PAOX: variants seen among roughly 807,000 people sequenced by gnomAD.
PAOX encodes polyamine oxidase.
PAOX carries 38 observed loss-of-function variants against 39.0 expected under a neutral mutation model. The observed-to-expected ratio is 0.97, with a 90% CI of 0.75 to 1.28. PAOX has a LOEUF of 1.28. PAOX is among the 50% of genes most tolerant of loss of function. PAOX has a pLI of 0.00. For synonymous variants in PAOX, 311 were observed against 314.4 expected, an observed-to-expected ratio of 0.99 and a Z score of 0.11; for missense variants, 667 against 685.7, an observed-to-expected ratio of 0.97 and a Z score of 0.30.
intron 1 of PAOX, 77 bp downstream of exon 1, chr10:133,379,574 C>T (rs1279265152): frequency 2.6e-6 from 3 of 1,143,774 alleles, no homozygotes; most frequent in South Asian, 4.5e-5. Context: ...CTGCCCTGCG[C>T]GCAGCCGACC....
In PAOX at chr10:133,380,063, G is replaced by T. The variant is rs773640860; in HGVS notation, c.246G>T (p.Gln82His). ...HGPSRGNPVF[Q>H]LAAEYGLLGE... ...CCTCCCGGGGTAACCCCGTCTTCCAGCTGGCTGCTGAGTACGGGCTGCTGG... is the reference window on the plus strand; with the variant it reads ...CCTCCCGGGGTAACCCCGTCTTCCATCTGGCTGCTGAGTACGGGCTGCTGG... The change falls in exon 2 of 7, where the codon CAG (glutamine) becomes CAT (histidine). Residue 82 changes from glutamine to histidine, a missense_variant. Gln to His is a conservative substitution (Grantham distance 24). Transcript: ENST00000278060. The T allele has an allele frequency of 6.5e-7, 1 of 1,527,554 alleles. No homozygotes were observed. Among genetic ancestry groups the T allele is most frequent in the South Asian group, 1.3e-5 (1 of 76,944 alleles). 94.6% of individuals were successfully genotyped at this position (1,527,554 alleles called of 1,614,324 possible).
At chr10:133,389,220 T>C in intron 5 of PAOX, 152 bp downstream of exon 5, 1 of 678,848 alleles carries the variant, frequency 1.5e-6, no homozygotes, top group Non-Finnish European at 2.6e-6. Context: ...GTGGGGTCAG[T>C]AACAGTTCTT....
rs562633544 is a variant in PAOX, at chr10:133,391,018, C to T, written c.1393-294C>T. The T allele has an allele frequency of 1.6e-4, 110 of 702,034 alleles. No homozygotes were observed. In the Admixed American group the frequency reaches 1.7e-3, roughly 11 times the overall value. The allele number at this position is 702,034 out of a possible 1,614,324, so 43.5% of individuals were successfully genotyped here. On this transcript the variant is annotated intron_variant, in intron 6 of 6. Transcript: ENST00000278060. ...GATGCGTGTGAGCCGTTTTCCCGCC[C>T]GTTGGTGGATGCGTGTGAGCCGTTT...
rs191545335 is a variant in PAOX at position 133,381,772 on chromosome 10, C to T, written c.868+113C>T. 3.5e-4 allele frequency: 378 copies of T among 1,065,520 alleles called. 2 individuals are homozygous for T. The African/African-American group carries it at 5.7e-3, about 16-fold the overall frequency. 66.0% of individuals were successfully genotyped at this position (1,065,520 alleles called of 1,614,324 possible). On this transcript the variant is annotated intron_variant, in intron 3 of 6. Coordinates refer to ENST00000278060, the MANE Select transcript of PAOX (RefSeq NM_152911.4). ...TGTGTACGAAGCTCACATTTTCGTT[C>T]TAGTAAGTTCCAGATAGGTGGAAGG...
chr10:133,379,290 A>G lies in PAOX; in HGVS notation c.-27A>G. The G allele has an allele frequency of 6.6e-6, 8 of 1,209,888 alleles. No individual in the cohort carries two copies. The highest frequency in any genetic ancestry group is 1.6e-5 in the African/African-American group (1 of 62,588). 74.9% of individuals were successfully genotyped at this position (1,209,888 alleles called of 1,614,324 possible). ...AGCTCCAGACCTCCCGGCTACTCAG[A>G]AGCCCTCGGACTGCCCGGACCGCGC... On this transcript the variant is annotated 5_prime_UTR_variant, in exon 1 of 7. Coordinates refer to ENST00000278060, the MANE Select transcript of PAOX (RefSeq NM_152911.4).
At position 133,384,096 on chromosome 10, in the gene PAOX, C is replaced by T. The variant is rs758456851; in HGVS notation, c.1005C>T (p.Asp335=). ...LEFEEPFWEP[D]CQLIQLVWED... ...TTGAGGAGCCCTTCTGGGAGCCAGA[C>T]TGCCAGCTGATCCAGCTGGTGTGGG... Residue 335 remains aspartate, a synonymous_variant, in exon 4 of 7, where the codon GAC becomes GAT. Transcript: ENST00000278060. The surrounding 1 kb of genome is among the most constrained non-coding windows in gnomAD (Gnocchi z 4.3). 5 of 1,614,112 alleles carry T rather than the reference C, an allele frequency of 3.1e-6. No homozygotes were observed. In the African/African-American group the frequency reaches 4.0e-5, roughly 13 times the overall value.
intron 6 of PAOX, among the ~76,000 whole-genome samples, chr10:133,390,353 G>A (rs1315217969): frequency 6.6e-6 from 1 of 152,052 alleles, no homozygotes; most frequent in Admixed American, 6.6e-5. Flanking sequence ...CTAGGCAGGA[G>A]GTTTGCTGAG....
Position 133,391,536 on chromosome 10 carries a change from T to C in PAOX, c.*81T>C. 1 of 1,509,576 alleles carries C rather than the reference T, an allele frequency of 6.6e-7. No individual in the cohort carries two copies. The allele number at this position is 1,509,576 out of a possible 1,614,324, so 93.5% of individuals were successfully genotyped here. ...TCTTCTGACAGATTTCAGTCTGGCT[T>C]GAAATTTGGGGATGTTAATGAGGGT... On this transcript the variant is annotated 3_prime_UTR_variant, in exon 7 of 7. Transcript: ENST00000278060.
intron 4 of PAOX, among the ~76,000 whole-genome samples, chr10:133,387,931 C>A (rs982240501): frequency 6.6e-6 from 1 of 152,126 alleles, no homozygotes; most frequent in Non-Finnish European, 1.5e-5. Flanking sequence ...ATTGACCAGG[C>A]TGGTCTCGAA....
At chr10:133,381,399 C>T in intron 2 of PAOX, 61 bp from the exon 3 acceptor site, 1 of 1,527,892 alleles carries the variant, frequency 6.5e-7, no homozygotes, top group Non-Finnish European at 9.0e-7. Flanking sequence ...GCACGTATTT[C>T]CACCAGTCCT....
At position 133,391,455 on chromosome 10, in the gene PAOX, G is replaced by C; in HGVS notation, c.1536G>C (p.Ter512TyrextTer21). 6.2e-7 allele frequency: 1 copy of C among 1,611,324 alleles called. No individual in the cohort carries two copies. The highest frequency in any genetic ancestry group is 8.5e-7 in the Non-Finnish European group (1 of 1,179,196). Residue 512 changes from the stop codon to tyrosine (Y), a stop_lost, in exon 7 of 7, where the codon TAG becomes TAC. Transcript: ENST00000278060. ...PQVQQPRPRL[*>Y] ...TGCAGCAGCCCAGGCCCAGGCTCTA[G>C]CTGGGCCCAGCCTACTCTGTTCCAC... is the stretch of plus-strand genomic sequence containing the variant.
At position 133,389,645 on chromosome 10, in the gene PAOX, CCCGTACACT is replaced by C; in HGVS notation, c.1291_1299del (p.Pro431_Thr433del). 1 of 1,613,516 alleles carries C rather than the reference CCCGTACACT, an allele frequency of 6.2e-7. No individual in the cohort carries two copies. Among genetic ancestry groups the C allele is most frequent in the Non-Finnish European group, 8.5e-7 (1 of 1,179,990 alleles). ...TCCTGCGGTCTCGCTGGCACAGCGC[CCCGTACACT>C]AGGGGGTCCTACAGCTACGTGGCCG... On this transcript the variant is annotated inframe_deletion, in exon 6 of 7. Coordinates refer to ENST00000278060, the MANE Select transcript of PAOX (RefSeq NM_152911.4).
chr10:133,389,653 C>G lies in PAOX; in HGVS notation c.1298C>G (p.Thr433Ser). The G allele has an allele frequency of 6.2e-7, 1 of 1,613,212 alleles. No individual in the cohort carries two copies. Among genetic ancestry groups the G allele is most frequent in the Non-Finnish European group, 8.5e-7 (1 of 1,179,820 alleles). Reference sequence around the variant, plus strand: ...TCTCGCTGGCACAGCGCCCCGTACACTAGGGGGTCCTACAGCTACGTGGCC... The same window carrying G: ...TCTCGCTGGCACAGCGCCCCGTACAGTAGGGGGTCCTACAGCTACGTGGCC... The part of the protein sequence containing the change: ...LRSRWHSAPY[T>S]RGSYSYVAVG... The change falls in exon 6 of 7, where the codon ACT (threonine) becomes AGT (serine). Residue 433 changes from threonine (T) to serine (S), a missense_variant. By Grantham distance (58) the Thr-to-Ser change is moderately conservative. Transcript: ENST00000278060.
In PAOX at chr10:133,380,310, C is replaced by T. The variant is rs369970251; in HGVS notation, c.493C>T (p.Gln165Ter). Residue 165 changes from glutamine to a stop codon, truncating the protein, a stop_gained, in exon 2 of 7, where the codon CAG becomes TAG. Coordinates refer to ENST00000278060, the MANE Select transcript of PAOX (RefSeq NM_152911.4). LOFTEE classifies it high-confidence loss of function. Reference protein sequence around the residue: ...VGEYLKKEIGQHVAGWTEDEE... With the variant: ...VGEYLKKEIG ...GGAGTACCTCAAGAAGGAGATTGGC[C>T]AGCACGTGGCCGGCTGGACAGAGGA... is the stretch of plus-strand genomic sequence containing the variant. 5.0e-6 allele frequency: 8 copies of T among 1,612,780 alleles called. No homozygotes were observed. The highest frequency in any genetic ancestry group is 4.0e-5 in the African/African-American group (3 of 74,946).
Position 133,380,071 on chromosome 10 carries a change from C to T in PAOX, c.254C>T (p.Ala85Val). 6.5e-7 allele frequency: 1 copy of T among 1,532,868 alleles called. No individual in the cohort carries two copies. The highest frequency in any genetic ancestry group is 8.8e-7 in the Non-Finnish European group (1 of 1,142,614). The allele number at this position is 1,532,868 out of a possible 1,614,324, so 95.0% of individuals were successfully genotyped here. A position where few individuals can be genotyped will look rare whatever the true frequency, so the allele number is the denominator to read the frequency against. ...SRGNPVFQLA[A>V]EYGLLGEKEL... is the part of the protein sequence containing the mutation. ...GGTAACCCCGTCTTCCAGCTGGCTG[C>T]TGAGTACGGGCTGCTGGGGGAGAAG... The change falls in exon 2 of 7, where the codon GCT (alanine) becomes GTT (valine). Residue 85 changes from alanine to valine, a missense_variant. Transcript: ENST00000278060.
At chr10:133,386,729 C>G (rs1849541004) in intron 4 of PAOX, among the ~76,000 whole-genome samples, 1 of 152,180 alleles carries the variant, frequency 6.6e-6, no homozygotes, top group South Asian at 2.1e-4. Context: ...CCACCTTGGC[C>G]TCCCAAAGTA....
intron 1 of PAOX, 63 bp downstream of exon 1, chr10:133,379,560 C>T: frequency 8.4e-7 from 1 of 1,191,982 alleles, no homozygotes; most frequent in African/African-American, 1.6e-5. Flanking sequence ...TCGCCGGCCC[C>T]AACCTGCCCT....
chr10:133,391,029 G>A (rs1849663345), intron 6 of PAOX: 1 of 702,344 alleles, frequency 1.4e-6, no homozygotes, highest in South Asian at 1.5e-5. Context: ...GTTGGTGGAT[G>A]CGTGTGAGCC....
At chr10:133,385,923 C>T (rs1849519823) in intron 4 of PAOX, among the ~76,000 whole-genome samples, 1 of 151,792 alleles carries the variant, frequency 6.6e-6, no homozygotes, top group South Asian at 2.1e-4. Context: ...ATGATAGTAA[C>T]AAACCTATTC....
Sources: gnomAD v4.1 joint callset for allele counts (sites outside exome capture counted in the v4.1 genomes callset) on GRCh38, gnomAD v4.1.1 for gene constraint, Gnocchi (gnomAD v3.1) non-coding constraint, MANE v1.5 for transcripts, NCBI Gene and HGNC (gene_info 2026-07-23, HGNC 2026-07-21) for gene names.